The following MTRF1L variants were observed in gnomAD, a reference collection of about 807,000 sequenced individuals.
MTRF1L encodes the protein peptide chain release factor 1-like, mitochondrial.
A neutral mutation model predicts 40.0 loss-of-function variants in MTRF1L; 29 were observed. The observed-to-expected ratio is 0.73, with a 90% CI of 0.54 to 0.99. MTRF1L has a LOEUF of 0.99. Among genes scored for constraint, MTRF1L ranks in the 50% least tolerant of loss-of-function variants. MTRF1L has a pLI of 0.00. For missense variants in MTRF1L, 412 were observed against 464.5 expected, an observed-to-expected ratio of 0.89 and a Z score of 1.04; for synonymous variants, 150 against 175.8, an observed-to-expected ratio of 0.85 and a Z score of 1.16.
chr6:152,995,229 A>G lies in MTRF1L; in HGVS notation c.430T>C (p.Leu144=). Reference sequence around the variant, plus strand: ...ATATCAAATATCTCTGATGTAAACAACATTGCCTCCTGACCTCCAACTCCT... The same window carrying G: ...ATATCAAATATCTCTGATGTAAACAGCATTGCCTCCTGACCTCCAACTCCT... ...TAGVGGQEAM[L]FTSEIFDMYQ... Residue 144 remains leucine, a synonymous_variant, in exon 3 of 7, where the codon TTG becomes CTG. Transcript: ENST00000367233. 6.2e-7 allele frequency: 1 copy of G among 1,610,730 alleles called. No individual in the cohort carries two copies. Among genetic ancestry groups the G allele is most frequent in the East Asian group, 2.2e-5 (1 of 44,774 alleles).
chr6:152,997,594 CA>C (rs1054336337), intron 2 of MTRF1L, among the ~76,000 whole-genome samples: 44 of 152,054 alleles, frequency 2.9e-4, no homozygotes, highest in African/African-American at 1.0e-3. Context: ...TGGCTAGGGG[CA>C]AAAGTCATGG....
Position 152,995,198 on chromosome 6 carries a change from T to C in MTRF1L, c.461A>G (p.Gln154Arg). ...CCATCTTTTAAATGCAGCATATTGC[T>C]GATACATATCAAATATCTCTGATGT... ...LFTSEIFDMYQQYAAFKRWHF... is the reference protein window; with the variant it reads ...LFTSEIFDMYRQYAAFKRWHF... The change falls in exon 3 of 7, where the codon CAG becomes CGG. Residue 154 changes from glutamine (Q) to arginine (R), a missense_variant. Coordinates refer to ENST00000367233, the MANE Select transcript of MTRF1L (RefSeq NM_019041.7). 1.2e-6 allele frequency: 2 copies of C among 1,610,550 alleles called. No homozygotes were observed. Among genetic ancestry groups the C allele is most frequent in the Non-Finnish European group, 1.7e-6 (2 of 1,178,312 alleles).
intron 2 of MTRF1L, among the ~76,000 whole-genome samples, chr6:152,995,825 A>G (rs1778696507): frequency 6.6e-6 from 1 of 152,208 alleles, no homozygotes; most frequent in Non-Finnish European, 1.5e-5. Flanking sequence ...ATCTGGTCCA[A>G]TTCTTTAATT....
chr6:152,994,768 A>G (rs779023937), intron 3 of MTRF1L, 92 bp from the exon 4 acceptor site: 1 of 1,464,156 alleles, frequency 6.8e-7, no homozygotes, highest in Non-Finnish European at 9.5e-7. Flanking sequence ...GTATATTTTT[A>G]AAGTCATAAA....
At chr6:152,992,201 ATTC>A (rs1778546331) in intron 5 of MTRF1L, among the ~76,000 whole-genome samples, 1 of 152,196 alleles carries the variant, frequency 6.6e-6, no homozygotes, top group South Asian at 2.1e-4. Context: ...ACAGTAAGAG[ATTC>A]TTGTTTCCTT....
chr6:152,993,487 G>A (rs906272176), intron 4 of MTRF1L, among the ~76,000 whole-genome samples: 3 of 152,166 alleles, frequency 2.0e-5, no homozygotes, highest in African/African-American at 7.2e-5. Context: ...TGGGATCTGA[G>A]GTCAAGGTAA....
chr6:152,991,179 T>C lies in MTRF1L; in HGVS notation c.942+6A>G, dbSNP rs1231702720. 4.0e-6 allele frequency: 6 copies of C among 1,503,200 alleles called. No homozygotes were observed. Among genetic ancestry groups the C allele is most frequent in the Admixed American group, 2.5e-5 (1 of 40,358 alleles). 93.1% of individuals were successfully genotyped at this position (1,503,200 alleles called of 1,614,324 possible). On this transcript the variant is annotated splice_donor_region_variant and intron_variant, in intron 6 of 6. Coordinates refer to ENST00000367233, the MANE Select transcript of MTRF1L (RefSeq NM_019041.7). ...TTTAAAAGCATTTTTAAAATTCTTT[T>C]TTTACCTGAATTTTTCTAGCATTCT... is the stretch of plus-strand genomic sequence containing the variant.
At chr6:152,994,434 A>C in intron 4 of MTRF1L, 79 bp downstream of exon 4, 1 of 1,401,556 alleles carries the variant, frequency 7.1e-7, no homozygotes, top group Non-Finnish European at 9.6e-7. Context: ...TACTCAATTC[A>C]GTAAACTCTG....
At chr6:152,995,368 A>G in intron 2 of MTRF1L, 49 bp from the exon 3 acceptor site, 3 of 1,411,464 alleles carry the variant, frequency 2.1e-6, no homozygotes, top group South Asian at 1.4e-5. Context: ...TTTAAAATTT[A>G]TCAAAAAATA....
chr6:152,998,251 G>A (rs529564911), intron 2 of MTRF1L: 7 of 170,776 alleles, frequency 4.1e-5, no homozygotes, highest in South Asian at 2.0e-4. Flanking sequence ...CTGTGAGAGC[G>A]CTACAGTACT....
intron 2 of MTRF1L, among the ~76,000 whole-genome samples, chr6:152,997,850 C>CT (rs975957230): frequency 3.3e-5 from 5 of 151,756 alleles, no homozygotes; most frequent in Admixed American, 2.6e-4. Flanking sequence ...TTGGCTCCTC[C>CT]TTTTTTTTGT....
At chr6:153,000,221 G>C (rs1216770624) in intron 1 of MTRF1L, among the ~76,000 whole-genome samples, 2 of 152,174 alleles carry the variant, frequency 1.3e-5, no homozygotes, top group African/African-American at 4.8e-5. Flanking sequence ...CAAAGCTAAG[G>C]AGATTGGAAC....
In MTRF1L at chr6:153,002,470, G is replaced by A; in HGVS notation, c.216C>T (p.Asn72=). Residue 72 remains asparagine, a synonymous_variant, in exon 1 of 7, where the codon AAC becomes AAT. Coordinates refer to ENST00000367233, the MANE Select transcript of MTRF1L (RefSeq NM_019041.7). ...PELLAVIKLL[N]EKERELRETE... ...TCTCCCGCAGCTCCCGCTCCTTCTC[G>A]TTCAGCAGTTTGATCACCGCCAGCA... is the stretch of plus-strand genomic sequence containing the variant. 1.2e-6 allele frequency: 2 copies of A among 1,613,850 alleles called. No individual in the cohort carries two copies. The highest frequency in any genetic ancestry group is 1.7e-6 in the Non-Finnish European group (2 of 1,179,858).
At position 152,987,411 on chromosome 6, in the gene MTRF1L, G is replaced by A. The variant is rs1407911766; in HGVS notation, c.*2484C>T. On this transcript the variant is annotated 3_prime_UTR_variant, in exon 7 of 7. Coordinates refer to ENST00000367233, the MANE Select transcript of MTRF1L (RefSeq NM_019041.7). Reference sequence around the variant, plus strand: ...AAGCTGGTTTTATTTGGGAGACAATGGGAGCTTTTACATTGTTGAGCAAAG... The same window carrying A: ...AAGCTGGTTTTATTTGGGAGACAATAGGAGCTTTTACATTGTTGAGCAAAG... 1.3e-5 allele frequency: 2 copies of A among 152,190 alleles called. No individual in the cohort carries two copies. Among genetic ancestry groups the A allele is most frequent in the Non-Finnish European group, 1.5e-5 (1 of 68,034 alleles). The allele number at this position is 152,190 out of a possible 1,614,324, so 9.4% of individuals were successfully genotyped here. A position where few individuals can be genotyped will look rare whatever the true frequency, so the allele number is the denominator to read the frequency against.
Position 152,991,180 on chromosome 6 carries a change from T to G in MTRF1L, c.942+5A>C. 5.3e-6 allele frequency: 8 copies of G among 1,503,848 alleles called. 1 individual carries two copies. In the South Asian group the frequency reaches 1.0e-4, roughly 19 times the overall value. 93.2% of individuals were successfully genotyped at this position (1,503,848 alleles called of 1,614,324 possible). Reference sequence around the variant, plus strand: ...TTAAAAGCATTTTTAAAATTCTTTTTTTACCTGAATTTTTCTAGCATTCTG... The same window carrying G: ...TTAAAAGCATTTTTAAAATTCTTTTGTTACCTGAATTTTTCTAGCATTCTG... On this transcript the variant is annotated splice_donor_5th_base_variant and intron_variant, in intron 6 of 6. Transcript: ENST00000367233.
chr6:152,994,993 G>C (rs1047003432), intron 3 of MTRF1L, 143 bp downstream of exon 3: 18 of 801,460 alleles, frequency 2.2e-5, no homozygotes, highest in Non-Finnish European at 3.3e-5. Flanking sequence ...CAAAATTACT[G>C]TATGTGCATT....
At chr6:152,991,904 A>G (rs1384897306) in intron 5 of MTRF1L, among the ~76,000 whole-genome samples, 1 of 152,220 alleles carries the variant, frequency 6.6e-6, no homozygotes, top group East Asian at 1.9e-4. Flanking sequence ...AGCATAAATC[A>G]TTTAATACAG....
intron 2 of MTRF1L, among the ~76,000 whole-genome samples, chr6:152,995,810 A>G (rs1778695883): frequency 6.6e-6 from 1 of 152,214 alleles, no homozygotes; most frequent in Non-Finnish European, 1.5e-5. Context: ...AGGCCCTTAG[A>G]GATTATCTGG....
At position 152,995,275 on chromosome 6, in the gene MTRF1L, A is replaced by G. The variant is rs763056595; in HGVS notation, c.384T>C (p.Asp128=). The G allele has an allele frequency of 4.4e-6, 7 of 1,603,836 alleles. No homozygotes were observed. In the Admixed American group the frequency reaches 1.2e-4, roughly 27 times the overall value. Residue 128 remains aspartate (D), a synonymous_variant, in exon 3 of 7, where the codon GAT becomes GAC. Transcript: ENST00000367233. ...CTCCTGCAGTTACTTCCAGGATCAAATCATTTTCATCTGTTTCTTCTGAGG... is the reference window on the plus strand; with the variant it reads ...CTCCTGCAGTTACTTCCAGGATCAAGTCATTTTCATCTGTTTCTTCTGAGG... ...LVPSEETDEN[D]LILEVTAGVG...
Sources: gnomAD v4.1 joint callset for allele counts (sites outside exome capture counted in the v4.1 genomes callset) on GRCh38, gnomAD v4.1.1 for gene constraint, MANE v1.5 for transcripts, NCBI Gene and HGNC (gene_info 2026-07-23, HGNC 2026-07-21) for gene names.